The following ITGA1 variants were observed in gnomAD, a reference collection of about 807,000 sequenced individuals.
ITGA1 encodes the protein integrin alpha-1.
In ITGA1, 85 loss-of-function variants were observed where a neutral mutation model predicts 145.9. The ratio of observed to expected loss-of-function variants is 0.58; its 90% CI spans 0.49 to 0.70. ITGA1 has a LOEUF of 0.70. Among genes scored for constraint, ITGA1 ranks in the 30% least tolerant of loss-of-function variants. ITGA1 has a pLI of 0.00. For missense variants in ITGA1, 1,351 were observed against 1,418.7 expected (o/e 0.95, Z 0.77); for synonymous variants, 520 against 495.3 (o/e 1.05, Z -0.66).
intron 9 of ITGA1, among the ~76,000 whole-genome samples, chr5:52,894,055 G>A (rs1447695876): frequency 1.3e-5 from 2 of 151,952 alleles, no homozygotes; most frequent in South Asian, 4.2e-4. Flanking sequence ...CTTTGTAAGG[G>A]CATGGTAGGG....
intron 19 of ITGA1, among the ~76,000 whole-genome samples, chr5:52,926,632 T>A (rs1235139555): frequency 8.6e-5 from 13 of 151,880 alleles, no homozygotes; most frequent in Non-Finnish European, 1.3e-4. Context: ...TTATTATTAT[T>A]ATAAATACAA....
In ITGA1 at chr5:52,920,366, A is replaced by G; in HGVS notation, c.2190A>G (p.Arg730=). The change falls in exon 17 of 29, where the codon AGA becomes AGG. Residue 730 remains arginine, a synonymous_variant. Transcript: ENST00000282588. ...ACCGTGTCACCCTAGATTCACTAAG[A>G]CAAATATCACGAAGTTTTTTCTCTG... is the stretch of plus-strand genomic sequence containing the variant. ...LQYRVTLDSL[R]QISRSFFSGT... 3.1e-6 allele frequency: 5 copies of G among 1,609,538 alleles called. No individual in the cohort carries two copies. Among genetic ancestry groups the G allele is most frequent in the South Asian group, 1.1e-5 (1 of 89,994 alleles).
intron 6 of ITGA1, among the ~76,000 whole-genome samples, chr5:52,878,744 G>A (rs149634606): frequency 5.9e-5 from 9 of 152,214 alleles, no homozygotes; most frequent in African/African-American, 9.6e-5. Context: ...TGAGATTCAT[G>A]GTCATTCCTT....
In ITGA1 at chr5:52,898,237, A is replaced by G; in HGVS notation, c.1165-2A>G. 1 of 1,520,098 alleles carries G rather than the reference A, an allele frequency of 6.6e-7. No individual in the cohort carries two copies. The highest frequency in any genetic ancestry group is 8.8e-7 in the Non-Finnish European group (1 of 1,136,260). 94.2% of individuals were successfully genotyped at this position (1,520,098 alleles called of 1,614,324 possible). On this transcript the variant is annotated splice_acceptor_variant, in intron 10 of 28. Coordinates refer to ENST00000282588, the MANE Select transcript of ITGA1 (RefSeq NM_181501.2). LOFTEE classifies it high-confidence loss of function. ...TTATTATCTTATTTATTTGCATGTA[A>G]GGACTGGGTCATGCTTGGAGCAGTA...
intron 13 of ITGA1, among the ~76,000 whole-genome samples, chr5:52,909,329 C>T (rs1313973009): frequency 1.3e-5 from 2 of 151,982 alleles, no homozygotes; most frequent in African/African-American, 4.8e-5. Context: ...ACCCACAAGG[C>T]TTATTTAGGC....
At chr5:52,851,127 A>G (rs1749425276) in intron 2 of ITGA1, among the ~76,000 whole-genome samples, 1 of 152,260 alleles carries the variant, frequency 6.6e-6, no homozygotes, top group Admixed American at 6.5e-5. Context: ...CTTAAAATGA[A>G]GTATCTCTTT....
chr5:52,931,842 G>A (rs370864598), intron 21 of ITGA1: 8 of 426,000 alleles, frequency 1.9e-5, no homozygotes, highest in Middle Eastern at 1.2e-3. Flanking sequence ...AAGTCTAGTC[G>A]CACATCAGAA....
intron 13 of ITGA1, 23 bp downstream of exon 13, chr5:52,909,064 G>A: frequency 1.3e-6 from 2 of 1,590,818 alleles, no homozygotes; most frequent in Non-Finnish European, 1.7e-6. Flanking sequence ...GAGTTTGGTA[G>A]AAATCCAGGA....
Position 52,954,190 on chromosome 5 carries a change from TTCAGAAA to T in ITGA1, c.*1743_*1749del, listed in dbSNP as rs1398283647. The T allele has an allele frequency of 2.6e-5, 4 of 152,184 alleles. No homozygotes were observed. The East Asian group carries it at 7.7e-4, about 29-fold the overall frequency. The allele number at this position is 152,184 out of a possible 1,614,324, so 9.4% of individuals were successfully genotyped here. On this transcript the variant is annotated 3_prime_UTR_variant, in exon 29 of 29. Coordinates refer to ENST00000282588, the MANE Select transcript of ITGA1 (RefSeq NM_181501.2). The stretch of plus-strand genomic sequence containing the variant: ...TTCCTTCATTTTCGCTATTTCCAGG[TTCAGAAA>T]TCATACCTACCACTTGTTCTTTCTT...
chr5:52,924,872 C>T (rs1289203504), intron 18 of ITGA1, among the ~76,000 whole-genome samples: 3 of 152,078 alleles, frequency 2.0e-5, no homozygotes, highest in Non-Finnish European at 4.4e-5. Context: ...GTGGCTTGAC[C>T]GTTTTCCACC....
intron 1 of ITGA1, among the ~76,000 whole-genome samples, chr5:52,833,601 A>T (rs180860842): frequency 6.6e-6 from 1 of 152,270 alleles, no homozygotes; most frequent in African/African-American, 2.4e-5. Flanking sequence ...AAGCTTATTC[A>T]GTGTTAACTA....
At chr5:52,912,213 TATG>T (rs1291687407) in intron 14 of ITGA1, among the ~76,000 whole-genome samples, 15 of 144,514 alleles carry the variant, frequency 1.0e-4, no homozygotes, top group African/African-American at 1.5e-4. Flanking sequence ...AGTATATAGA[TATG>T]ATATATATAC....
intron 18 of ITGA1, among the ~76,000 whole-genome samples, chr5:52,923,201 T>A (rs1750755402): frequency 6.6e-6 from 1 of 152,206 alleles, no homozygotes; most frequent in Admixed American, 6.5e-5. Context: ...ACATGCTTCC[T>A]TATACAACAT....
At chr5:52,903,264 C>T (rs1305372224) in intron 11 of ITGA1, 2 of 152,040 alleles carry the variant, frequency 1.3e-5, no homozygotes, top group African/African-American at 2.4e-5. Flanking sequence ...TCATTCTACT[C>T]CCTTCTTTAT....
At chr5:52,895,893 T>G (rs1750216526) in intron 9 of ITGA1, among the ~76,000 whole-genome samples, 2 of 152,212 alleles carry the variant, frequency 1.3e-5, no homozygotes, top group Non-Finnish European at 2.9e-5. Flanking sequence ...TAAAAAGGCT[T>G]TATTTCTTTG....
intron 16 of ITGA1, among the ~76,000 whole-genome samples, chr5:52,920,101 A>G (rs1295809823): frequency 6.6e-6 from 1 of 152,196 alleles, no homozygotes; most frequent in African/African-American, 2.4e-5. Context: ...AATAAATGTA[A>G]TTAGACACTG....
chr5:52,882,156 A>T (rs1190456783), intron 7 of ITGA1, 135 bp downstream of exon 7: 2 of 674,878 alleles, frequency 3.0e-6, no homozygotes, highest in Non-Finnish European at 4.7e-6. Context: ...GATTCAGAAG[A>T]TTAAATAATG....
chr5:52,872,772 C>T (rs1232187281), intron 6 of ITGA1, among the ~76,000 whole-genome samples: 1 of 151,898 alleles, frequency 6.6e-6, no homozygotes, highest in African/African-American at 2.4e-5. Flanking sequence ...CCTGTGATTC[C>T]CTGCTCCATC....
In ITGA1 at chr5:52,806,731, TTATTA is replaced by T. The variant is rs1276932383; in HGVS notation, c.61+18322_61+18326del. 2.4e-4 allele frequency among the ~76,000 whole-genome samples: 36 copies of T among 152,274 alleles called. 1 individual carries two copies. The highest frequency in any genetic ancestry group is 1.4e-3 in the South Asian group (7 of 4,828). ...TAATATCTCTATTTTCAGTAACATGTTATTATATTGTGTTGAGATAAATAACACTG... is the reference window on the plus strand; with the variant it reads ...TAATATCTCTATTTTCAGTAACATGTTATTGTGTTGAGATAAATAACACTG... On this transcript the variant is annotated intron_variant, in intron 1 of 28. Transcript: ENST00000282588.
Sources: gnomAD v4.1 joint callset for allele counts (sites outside exome capture counted in the v4.1 genomes callset) on GRCh38, gnomAD v4.1.1 for gene constraint, MANE v1.5 for transcripts, NCBI Gene and HGNC (gene_info 2026-07-23, HGNC 2026-07-21) for gene names.